TRAPPC3L: variants seen among roughly 807,000 people sequenced by gnomAD.
TRAPPC3L encodes the protein trafficking protein particle complex subunit 3L.
Under a neutral mutation model 23.7 loss-of-function variants are expected in TRAPPC3L, and 23 were observed. The observed-to-expected ratio is 0.97, with a 90% CI of 0.70 to 1.37. The LOEUF is 1.37. TRAPPC3L is among the 40% of genes most tolerant of loss of function. TRAPPC3L has a pLI of 0.00. For missense variants in TRAPPC3L, 212 were observed against 216.8 expected, an observed-to-expected ratio of 0.98 and a Z score of 0.14; for synonymous variants, 81 against 77.9, an observed-to-expected ratio of 1.04 and a Z score of -0.21.
chr6:116,498,953 C>T (rs569212865), intron 4 of TRAPPC3L, among the ~76,000 whole-genome samples: 7 of 152,274 alleles, frequency 4.6e-5, no homozygotes, highest in African/African-American at 1.7e-4. Context: ...CATTCTTTTC[C>T]TATTCTAATG....
intron 3 of TRAPPC3L, among the ~76,000 whole-genome samples, chr6:116,526,569 C>T (rs1583275393): frequency 6.6e-6 from 1 of 152,256 alleles, no homozygotes; most frequent in Non-Finnish European, 1.5e-5. Flanking sequence ...CCAGGTGAGT[C>T]TATGCAGGAG....
chr6:116,504,638 T>C (rs1176668888), intron 3 of TRAPPC3L, among the ~76,000 whole-genome samples: 2 of 152,162 alleles, frequency 1.3e-5, no homozygotes, highest in African/African-American at 2.4e-5. Flanking sequence ...CTCAGTAAGA[T>C]ACTGGCAAAC....
At chr6:116,544,984 T>C (rs1773685904) in intron 1 of TRAPPC3L, among the ~76,000 whole-genome samples, 1 of 151,974 alleles carries the variant, frequency 6.6e-6, no homozygotes, top group South Asian at 2.1e-4. Context: ...ACCTGGAATA[T>C]ATAGAAAGGA....
At chr6:116,502,883 C>T (rs979175150) in intron 3 of TRAPPC3L, among the ~76,000 whole-genome samples, 6 of 152,186 alleles carry the variant, frequency 3.9e-5, no homozygotes, top group Non-Finnish European at 7.3e-5. Flanking sequence ...AAGCACTAAA[C>T]ATGGAAAGGA....
intron 1 of TRAPPC3L, among the ~76,000 whole-genome samples, chr6:116,544,232 G>A (rs920671142): frequency 6.6e-6 from 1 of 151,564 alleles, no homozygotes; most frequent in Admixed American, 6.6e-5. Flanking sequence ...TTGAAAAAGA[G>A]AAAAGTAGAA....
intron 4 of TRAPPC3L, 58 bp from the exon 5 acceptor site, chr6:116,497,131 T>C: frequency 6.7e-7 from 1 of 1,493,720 alleles, no homozygotes; most frequent in South Asian, 1.3e-5. Context: ...AAAAACTAAA[T>C]TTTCTCAGTC....
rs1773362836 is a variant in TRAPPC3L at position 116,540,374 on chromosome 6, T to A, written c.229A>T (p.Ile77Leu). The change falls in exon 3 of 5, where the codon ATA becomes TTA. Residue 77 changes from isoleucine to leucine, a missense_variant. Transcript: ENST00000368602. ...RCHSYSEIID[I>L]IAQVAFKMYL... Reference sequence around the variant, plus strand: ...AAAAACATAGTTACCTGGGCAATTATGTCTATAATTTCTGAATAACTATGG... The same window carrying A: ...AAAAACATAGTTACCTGGGCAATTAAGTCTATAATTTCTGAATAACTATGG... 2 of 1,550,946 alleles carry A rather than the reference T, an allele frequency of 1.3e-6. No individual in the cohort carries two copies. The highest frequency in any genetic ancestry group is 2.4e-5 in the South Asian group (2 of 84,000).
Position 116,497,004 on chromosome 6 carries a change from T to C in TRAPPC3L, c.496A>G (p.Ile166Val), listed in dbSNP as rs757685700. 1.7e-5 allele frequency: 26 copies of C among 1,547,060 alleles called. No homozygotes were observed. The African/African-American group carries it at 3.4e-4, about 20-fold the overall frequency. Reference sequence around the variant, plus strand: ...TCGTCTCGCTTTTTTAGAAATGTTATTCCTATTTCTGTCACACTGTCACCT... The same window carrying C: ...TCGTCTCGCTTTTTTAGAAATGTTACTCCTATTTCTGTCACACTGTCACCT... ...LKGDSVTEIGITFLKKRDEKK... is the reference protein window; with the variant it reads ...LKGDSVTEIGVTFLKKRDEKK... Residue 166 changes from isoleucine (I) to valine (V), a missense_variant, in exon 5 of 5, where the codon ATA becomes GTA. Transcript: ENST00000368602.
intron 3 of TRAPPC3L, chr6:116,523,756 C>T (rs1433673007): frequency 2.0e-5 from 3 of 152,134 alleles, no homozygotes; most frequent in Non-Finnish European, 4.4e-5. Context: ...GACATTACTG[C>T]TAGTTTATAG....
chr6:116,511,997 G>T (rs916094899), intron 3 of TRAPPC3L: 13 of 1,613,802 alleles, frequency 8.1e-6, no homozygotes, highest in Middle Eastern at 1.7e-4. Context: ...CTACGTCCTC[G>T]GCCAGATCAC....
intron 3 of TRAPPC3L, among the ~76,000 whole-genome samples, chr6:116,530,924 T>TAC (rs1378638539): frequency 4.2e-5 from 6 of 142,608 alleles, no homozygotes; most frequent in Admixed American, 2.1e-4. Flanking sequence ...TATATATATA[T>TAC]ATATATATAT....
intron 3 of TRAPPC3L, among the ~76,000 whole-genome samples, chr6:116,530,890 T>A (rs1440011156): frequency 7.7e-6 from 1 of 130,274 alleles, no homozygotes; most frequent in Non-Finnish European, 1.6e-5. Context: ...GGTTCATAGA[T>A]AAAGTGAGAC....
intron 3 of TRAPPC3L, chr6:116,521,513 A>AGAGG (rs1214913388): frequency 3.4e-5 from 4 of 118,444 alleles, no homozygotes; most frequent in Non-Finnish European, 7.9e-5. Flanking sequence ...GAGTGGAGAG[A>AGAGG]GAGGGAGAGA....
At chr6:116,509,157 A>G (rs1772062582) in intron 3 of TRAPPC3L, among the ~76,000 whole-genome samples, 1 of 151,780 alleles carries the variant, frequency 6.6e-6, no homozygotes, top group Non-Finnish European at 1.5e-5. Flanking sequence ...AGATCTCTAT[A>G]AGGAGAACTA....
At chr6:116,514,170 G>A (rs1484478457) in intron 3 of TRAPPC3L, among the ~76,000 whole-genome samples, 1 of 152,196 alleles carries the variant, frequency 6.6e-6, no homozygotes, top group East Asian at 1.9e-4. Flanking sequence ...TGAATTGAGG[G>A]AAAGCATCGG....
At chr6:116,515,670 G>T in intron 3 of TRAPPC3L, 1 of 1,613,930 alleles carries the variant, frequency 6.2e-7, no homozygotes, top group Middle Eastern at 1.7e-4. Context: ...GCTCGCTGCC[G>T]ATCTAAAGTT....
intron 2 of TRAPPC3L, among the ~76,000 whole-genome samples, chr6:116,542,768 A>AT (rs1315788645): frequency 5.3e-5 from 8 of 152,128 alleles, no homozygotes; most frequent in African/African-American, 1.9e-4. Flanking sequence ...CATAGTAATG[A>AT]TTAAAAAACA....
intron 3 of TRAPPC3L, among the ~76,000 whole-genome samples, chr6:116,512,618 G>A (rs1772146817): frequency 6.6e-6 from 1 of 152,184 alleles, no homozygotes. Flanking sequence ...TTACATTCAA[G>A]TTGTTTTCTC....
At chr6:116,517,400 T>C (rs1286674467) in intron 3 of TRAPPC3L, 2 of 152,202 alleles carry the variant, frequency 1.3e-5, no homozygotes, top group Non-Finnish European at 2.9e-5. Flanking sequence ...TATATATGTG[T>C]ATGTATATAT....
Sources: allele counts gnomAD v4.1 joint callset (sites outside exome capture counted in the v4.1 genomes callset), GRCh38; gene constraint gnomAD v4.1.1; transcripts MANE v1.5; gene names NCBI Gene and HGNC (gene_info 2026-07-23, HGNC 2026-07-21).